The following PAK1 variants were observed in gnomAD, a reference collection of about 807,000 sequenced individuals.
PAK1 encodes the protein serine/threonine-protein kinase PAK 1.
A neutral mutation model predicts 67.4 loss-of-function variants in PAK1; 29 were observed. That is an observed-to-expected ratio of 0.43 (90% CI 0.32 to 0.59). The LOEUF is 0.59. Among genes scored for constraint, PAK1 ranks in the 20% least tolerant of loss-of-function variants. PAK1 has a pLI of 0.07. For missense variants in PAK1, 337 were observed against 670.7 expected (o/e 0.50, Z 5.50); for synonymous variants, 223 against 237.4 (o/e 0.94, Z 0.56).
chr11:77,524,427 G>A, the PAK1 span, among the ~76,000 whole-genome samples: 3 of 152,280 alleles, frequency 2.0e-5, no homozygotes, highest in South Asian at 2.1e-4. Flanking sequence ...CTCATGCCAC[G>A]TGCATGCCAT....
chr11:77,424,175 T>A (rs1955431134), intron 1 of PAK1, among the ~76,000 whole-genome samples: 1 of 152,194 alleles, frequency 6.6e-6, no homozygotes, highest in African/African-American at 2.4e-5. Flanking sequence ...TGTGCAGCAA[T>A]CACAAACAAC....
chr11:77,332,775 G>T lies in PAK1; in HGVS notation c.1506C>A (p.Leu502=), dbSNP rs759338292. 2 of 1,613,670 alleles carry T rather than the reference G, an allele frequency of 1.2e-6. No homozygotes were observed. ...AACCTCTCTTCTCCACATCCATCTCGAGACAGCGGTTCAGAAAGTCCCGGA... is the reference window on the plus strand; with the variant it reads ...AACCTCTCTTCTCCACATCCATCTCTAGACAGCGGTTCAGAAAGTCCCGGA... ...AIFRDFLNRC[L]EMDVEKRGSA... Residue 502 remains leucine, a synonymous_variant, in exon 14 of 15, where the codon CTC becomes CTA. Coordinates refer to ENST00000356341, the MANE Select transcript of PAK1 (RefSeq NM_002576.5).
the PAK1 span, among the ~76,000 whole-genome samples, chr11:77,509,961 A>T: frequency 6.6e-6 from 1 of 152,334 alleles, no homozygotes; most frequent in Middle Eastern, 3.4e-3. Context: ...AAATGGCCTA[A>T]CATAGCTGGA....
the PAK1 span, among the ~76,000 whole-genome samples, chr11:77,480,065 A>G: frequency 6.6e-6 from 1 of 152,302 alleles, no homozygotes; most frequent in East Asian, 1.9e-4. Context: ...TTAATGGTTC[A>G]GTGTGTTTTG....
upstream of PAK1, among the ~76,000 whole-genome samples, chr11:77,477,194 GGA>G (rs1323121448): frequency 6.6e-6 from 1 of 152,084 alleles, no homozygotes; most frequent in Non-Finnish European, 1.5e-5. Context: ...TAAATAAGTA[GGA>G]TAAGTGTATA....
At chr11:77,468,720 C>A (rs779560617) in intron 1 of PAK1, among the ~76,000 whole-genome samples, 1 of 152,030 alleles carries the variant, frequency 6.6e-6, no homozygotes, top group African/African-American at 2.4e-5. Flanking sequence ...AGATTAGGAA[C>A]CAATTTAAAA....
intron 10 of PAK1, among the ~76,000 whole-genome samples, chr11:77,341,132 G>C (rs570112436): frequency 6.6e-6 from 1 of 152,088 alleles, no homozygotes; most frequent in East Asian, 1.9e-4. Flanking sequence ...ATTTGACAAA[G>C]ATAGGATTTA....
At chr11:77,510,625 G>A in the PAK1 span, among the ~76,000 whole-genome samples, 2 of 152,132 alleles carry the variant, frequency 1.3e-5, no homozygotes, top group African/African-American at 2.4e-5. Context: ...ATTCAGTTTT[G>A]TCTCTACGGT....
the PAK1 span, among the ~76,000 whole-genome samples, chr11:77,504,530 G>T: frequency 6.6e-6 from 1 of 152,182 alleles, no homozygotes; most frequent in Admixed American, 6.5e-5. Context: ...AAAACTTGAC[G>T]AGTGGGAGTT....
At chr11:77,460,175 G>T (rs1957272632) in intron 1 of PAK1, among the ~76,000 whole-genome samples, 1 of 150,212 alleles carries the variant, frequency 6.7e-6, no homozygotes. Flanking sequence ...AAAAAAAAGG[G>T]ATGAAAAGGA....
In PAK1 at chr11:77,469,982, ATTG is replaced by A. The variant is rs1293325526; in HGVS notation, c.-22+3567_-22+3569del. On this transcript the variant is annotated intron_variant, in intron 1 of 14. Coordinates refer to ENST00000356341, the MANE Select transcript of PAK1 (RefSeq NM_002576.5). The stretch of plus-strand genomic sequence containing the variant: ...TCAAAAGCCTCGTTTTTAGATGCAT[ATTG>A]TTTATCGCTTTTCAAAAATAAACAA... 2.6e-5 allele frequency among the ~76,000 whole-genome samples: 4 copies of A among 152,162 alleles called. No homozygotes were observed. In the East Asian group the frequency reaches 7.7e-4, roughly 29 times the overall value.
the PAK1 span, among the ~76,000 whole-genome samples, chr11:77,500,228 G>A: frequency 2.2e-4 from 34 of 152,170 alleles, no homozygotes; most frequent in Admixed American, 2.6e-4. Flanking sequence ...CAGCACTTTG[G>A]GAGGCCGAGG....
Position 77,442,650 on chromosome 11 carries a change from CTAAGA to C in PAK1, c.-22+30897_-22+30901del, listed in dbSNP as rs376097192. On this transcript the variant is annotated intron_variant, in intron 1 of 14. Coordinates refer to ENST00000356341, the MANE Select transcript of PAK1 (RefSeq NM_002576.5). ...AGCAGAACCACCCAGCCCAGCCACT[CTAAGA>C]TTCCTGACCCTCAGAAACTGTGTGA... is the stretch of plus-strand genomic sequence containing the variant. Among the ~76,000 whole-genome samples, 432 of 152,282 alleles carry C rather than the reference CTAAGA, an allele frequency of 2.8e-3. 5 individuals are homozygous for C. The highest frequency in any genetic ancestry group is 0.01 in the African/African-American group (419 of 41,542).
chr11:77,367,953 T>C (rs1947835998), intron 5 of PAK1, among the ~76,000 whole-genome samples: 1 of 152,180 alleles, frequency 6.6e-6, no homozygotes, highest in Non-Finnish European at 1.5e-5. Flanking sequence ...CACTCCAGCC[T>C]GGTGACAGAA....
At chr11:77,406,385 C>T (rs1308767088) in intron 1 of PAK1, among the ~76,000 whole-genome samples, 1 of 152,222 alleles carries the variant, frequency 6.6e-6, no homozygotes, top group African/African-American at 2.4e-5. Context: ...ATATCTCCCT[C>T]AATAAGTGAT....
upstream of PAK1, among the ~76,000 whole-genome samples, chr11:77,478,508 C>T (rs1351208530): frequency 6.6e-6 from 1 of 151,888 alleles, no homozygotes; most frequent in Non-Finnish European, 1.5e-5. Context: ...CACGGTGGCC[C>T]AAGCCTGTAA....
At chr11:77,426,214 T>C (rs1955538422) in intron 1 of PAK1, among the ~76,000 whole-genome samples, 5 of 151,924 alleles carry the variant, frequency 3.3e-5, no homozygotes, top group Admixed American at 3.3e-4. Context: ...ATCAATTTCC[T>C]TATTTGACAA....
At chr11:77,463,281 TAAAG>T (rs1335036859) in intron 1 of PAK1, among the ~76,000 whole-genome samples, 2 of 152,142 alleles carry the variant, frequency 1.3e-5, no homozygotes, top group African/African-American at 2.4e-5. Context: ...AGACATGCGA[TAAAG>T]AAAACACAGC....
intron 1 of PAK1, among the ~76,000 whole-genome samples, chr11:77,419,688 A>C (rs1325475577): frequency 6.6e-6 from 1 of 152,244 alleles, no homozygotes; most frequent in Non-Finnish European, 1.5e-5. Context: ...CAATATGTGT[A>C]CTAAGTGGAA....
Sources: allele counts gnomAD v4.1 joint callset (sites outside exome capture counted in the v4.1 genomes callset), GRCh38; gene constraint gnomAD v4.1.1; transcripts MANE v1.5; gene names NCBI Gene and HGNC (gene_info 2026-07-23, HGNC 2026-07-21).